The following JAM3 variants were observed in gnomAD, a reference collection of about 807,000 sequenced individuals.
JAM3 encodes the protein junctional adhesion molecule 3, also known as junctional adhesion molecule C.
Under a neutral mutation model 39.4 loss-of-function variants are expected in JAM3, and 31 were observed. The observed-to-expected ratio is 0.79, with a 90% CI of 0.59 to 1.06. The LOEUF (loss-of-function observed/expected upper bound fraction) is 1.06, where lower values mean the gene tolerates loss of function less well. Ranked by LOEUF, JAM3 falls within the 50% of genes least tolerant of loss-of-function variation. The probability of loss-of-function intolerance (pLI) is 0.00; values close to 1 mark genes in which losing one functional copy is unlikely to be tolerated. For missense variants in JAM3, 455 were observed against 391.4 expected, an observed-to-expected ratio of 1.16 and a Z score of -1.37; for synonymous variants, 182 against 148.7, an observed-to-expected ratio of 1.22 and a Z score of -1.63.
intron 1 of JAM3, among the ~76,000 whole-genome samples, chr11:134,107,837 A>C (rs1032711784): frequency 1.3e-5 from 2 of 151,846 alleles, no homozygotes; most frequent in Non-Finnish European, 2.9e-5. Context: ...CACTCTGGCT[A>C]AGCAACAGAG....
chr11:134,089,660 A>C (rs959551486), intron 1 of JAM3, among the ~76,000 whole-genome samples: 1 of 152,184 alleles, frequency 6.6e-6, no homozygotes, highest in Non-Finnish European at 1.5e-5. Context: ...ATGGCTGCAT[A>C]GTATTCCATG....
At chr11:134,084,082 G>T (rs1941708900) in intron 1 of JAM3, among the ~76,000 whole-genome samples, 2 of 152,150 alleles carry the variant, frequency 1.3e-5, no homozygotes, top group South Asian at 2.1e-4. Context: ...TTGTAGCATG[G>T]TCTTTGGCTC....
chr11:134,098,969 G>A (rs1942029687), intron 1 of JAM3, among the ~76,000 whole-genome samples: 1 of 152,144 alleles, frequency 6.6e-6, no homozygotes, highest in African/African-American at 2.4e-5. Flanking sequence ...GGAGGCCAAG[G>A]TGGGCAGATT....
At chr11:134,085,693 C>A (rs1051230863) in intron 1 of JAM3, among the ~76,000 whole-genome samples, 1 of 152,194 alleles carries the variant, frequency 6.6e-6, no homozygotes, top group African/African-American at 2.4e-5. Context: ...ATATGCACTT[C>A]CTCTGTGTGT....
chr11:134,133,568 T>G (rs888014651), intron 1 of JAM3, among the ~76,000 whole-genome samples: 3 of 152,200 alleles, frequency 2.0e-5, no homozygotes, highest in African/African-American at 4.8e-5. Context: ...ATCCCAACTT[T>G]ATTAATATGT....
At chr11:134,077,742 C>T (rs1341418858) in intron 1 of JAM3, among the ~76,000 whole-genome samples, 1 of 145,070 alleles carries the variant, frequency 6.9e-6, no homozygotes, top group Non-Finnish European at 1.5e-5. Context: ...ATCACTGCAA[C>T]CTCAAGTGAT....
At chr11:134,144,535 G>A in intron 4 of JAM3, 142 bp downstream of exon 4, 2 of 1,051,938 alleles carry the variant, frequency 1.9e-6, no homozygotes, top group Non-Finnish European at 2.9e-6. Context: ...AGCTGAGACT[G>A]CCTGAGTTGG....
At chr11:134,134,460 AG>A (rs1315005160) in intron 1 of JAM3, among the ~76,000 whole-genome samples, 1 of 151,790 alleles carries the variant, frequency 6.6e-6, no homozygotes, top group African/African-American at 2.4e-5. Flanking sequence ...AGAAAATCAA[AG>A]ATAAATAAAA....
intron 1 of JAM3, among the ~76,000 whole-genome samples, chr11:134,092,131 G>C (rs1941872090): frequency 6.6e-6 from 1 of 152,148 alleles, no homozygotes; most frequent in African/African-American, 2.4e-5. Flanking sequence ...TGACTGCTCT[G>C]ATTTTCCCTC....
At chr11:134,117,965 TA>T (rs1380880197) in intron 1 of JAM3, among the ~76,000 whole-genome samples, 1 of 152,184 alleles carries the variant, frequency 6.6e-6, no homozygotes, top group African/African-American at 2.4e-5. Context: ...AACTTTGAAT[TA>T]TTTTTTTGTA....
At chr11:134,089,452 C>T (rs1016410284) in intron 1 of JAM3, among the ~76,000 whole-genome samples, 7 of 151,998 alleles carry the variant, frequency 4.6e-5, no homozygotes, top group Non-Finnish European at 1.0e-4. Context: ...CAAATGCTAT[C>T]CCCCCATCCC....
In JAM3 at chr11:134,069,109, T is replaced by C; in HGVS notation, c.26T>C (p.Leu9Pro). ...ATGGCGCTGAGGCGGCCACCGCGACTCCGGCTCTGCGCTCGGCTGCCTGAC... is the reference window on the plus strand; with the variant it reads ...ATGGCGCTGAGGCGGCCACCGCGACCCCGGCTCTGCGCTCGGCTGCCTGAC... MALRRPPR[L>P]RLCARLPDFF... Residue 9 changes from leucine (L) to proline (P), a missense_variant, in exon 1 of 9, where the codon CTC becomes CCC. Leu to Pro is a moderately conservative substitution (Grantham distance 98). Transcript: ENST00000299106. The C allele has an allele frequency of 6.2e-7, 1 of 1,612,362 alleles. No homozygotes were observed. Among genetic ancestry groups the C allele is most frequent in the Non-Finnish European group, 8.5e-7 (1 of 1,179,298 alleles).
chr11:134,133,999 A>AAAGTAGATAACAT (rs373231675), intron 1 of JAM3, among the ~76,000 whole-genome samples: 1 of 152,130 alleles, frequency 6.6e-6, no homozygotes. Flanking sequence ...TCTAATGGGA[A>AAAGTAGATAACAT]AAGTAGATAA....
At position 134,109,420 on chromosome 11, in the gene JAM3, A is replaced by G. The variant is rs140020942; in HGVS notation, c.77-30431A>G. On this transcript the variant is annotated intron_variant, in intron 1 of 8. Transcript: ENST00000299106. ...TTATGTCAGGGATCAGCAAACTACA[A>G]TCCAAAGGCCAAATATAACTGTTGC... Among the ~76,000 whole-genome samples the G allele has an allele frequency of 3.8e-3, 575 of 152,352 alleles. 6 individuals carry two copies. Among genetic ancestry groups the G allele is most frequent in the African/African-American group, 0.013 (530 of 41,588 alleles).
At chr11:134,121,604 G>T (rs1485614685) in intron 1 of JAM3, among the ~76,000 whole-genome samples, 1 of 152,044 alleles carries the variant, frequency 6.6e-6, no homozygotes, top group Non-Finnish European at 1.5e-5. Flanking sequence ...GCTTCAGCTA[G>T]CAATACTTCA....
chr11:134,151,560 T>C lies in JAM3; in HGVS notation c.*2379T>C, dbSNP rs1468948877. 2 of 152,198 alleles carry C rather than the reference T, an allele frequency of 1.3e-5. No individual in the cohort carries two copies. The highest frequency in any genetic ancestry group is 2.9e-5 in the Non-Finnish European group (2 of 68,050). The allele number at this position is 152,198 out of a possible 1,614,324, so 9.4% of individuals were successfully genotyped here. ...GTAGAGTCTGGGAAGTAGCTGCCTATAACTGAGACTAGACGGAAAAGGAAT... is the reference window on the plus strand; with the variant it reads ...GTAGAGTCTGGGAAGTAGCTGCCTACAACTGAGACTAGACGGAAAAGGAAT... On this transcript the variant is annotated 3_prime_UTR_variant, in exon 9 of 9. Transcript: ENST00000299106.
At chr11:134,085,783 A>G (rs1941738181) in intron 1 of JAM3, among the ~76,000 whole-genome samples, 1 of 152,236 alleles carries the variant, frequency 6.6e-6, no homozygotes, top group Admixed American at 6.5e-5. Context: ...CATCATATAC[A>G]TACAAATATT....
chr11:134,113,627 A>G (rs891515487), intron 1 of JAM3, among the ~76,000 whole-genome samples: 1 of 152,118 alleles, frequency 6.6e-6, no homozygotes, highest in Non-Finnish European at 1.5e-5. Context: ...AGTCTTTGCT[A>G]TTGTGAATAG....
intron 1 of JAM3, chr11:134,139,589 TC>T: frequency 2.0e-6 from 1 of 488,978 alleles, no homozygotes; most frequent in Non-Finnish European, 3.7e-6. Flanking sequence ...GCTTTAAAGC[TC>T]TGAGGGCTTT....
Sources: gnomAD v4.1 joint callset for allele counts (sites outside exome capture counted in the v4.1 genomes callset) on GRCh38, gnomAD v4.1.1 for gene constraint, MANE v1.5 for transcripts, NCBI Gene and HGNC (gene_info 2026-07-23, HGNC 2026-07-21) for gene names.